Variants in ADGRB3 observed in about 807,000 individuals in gnomAD.
ADGRB3 encodes the protein brain-specific angiogenesis inhibitor 3.
In ADGRB3, 37 loss-of-function variants were observed where a neutral mutation model predicts 193.4. The ratio of observed to expected loss-of-function variants is 0.19; its 90% CI spans 0.15 to 0.25. ADGRB3 has a LOEUF of 0.25. Ranked by LOEUF, ADGRB3 falls within the 10% of genes least tolerant of loss-of-function variation. ADGRB3 has a pLI of 1.00. For missense variants in ADGRB3, 1,637 were observed against 1,852.9 expected (o/e 0.88, Z 2.14); for synonymous variants, 690 against 644.2 (o/e 1.07, Z -1.08).
chr6:69,087,220 G>A (rs1191082034), intron 17 of ADGRB3, among the ~76,000 whole-genome samples: 2 of 152,084 alleles, frequency 1.3e-5, no homozygotes, highest in Non-Finnish European at 2.9e-5. Flanking sequence ...CTCAGGACCC[G>A]GTAGTTGAGA....
At chr6:69,167,361 G>A (rs1172555257) in intron 17 of ADGRB3, among the ~76,000 whole-genome samples, 1 of 152,100 alleles carries the variant, frequency 6.6e-6, no homozygotes. Flanking sequence ...GACATAATTA[G>A]ATATGTATAT....
At chr6:68,818,004 G>A (rs1196093505) in intron 3 of ADGRB3, among the ~76,000 whole-genome samples, 3 of 152,006 alleles carry the variant, frequency 2.0e-5, no homozygotes, top group Non-Finnish European at 4.4e-5. Context: ...AAATGGGATA[G>A]AAGTGAAAGT....
At chr6:68,992,934 A>G (rs920620888) in intron 10 of ADGRB3, among the ~76,000 whole-genome samples, 1 of 152,058 alleles carries the variant, frequency 6.6e-6, no homozygotes, top group African/African-American at 2.4e-5. Context: ...ATTTTATACA[A>G]ATTTAGCAAA....
intron 3 of ADGRB3, among the ~76,000 whole-genome samples, chr6:68,760,842 G>A (rs1006927180): frequency 6.6e-6 from 1 of 152,182 alleles, no homozygotes; most frequent in Non-Finnish European, 1.5e-5. Context: ...AGCATGTCCA[G>A]TTCTCTGAAT....
intron 3 of ADGRB3, among the ~76,000 whole-genome samples, chr6:68,703,295 T>C (rs1441353695): frequency 6.6e-6 from 1 of 152,134 alleles, no homozygotes; most frequent in Non-Finnish European, 1.5e-5. Flanking sequence ...TTCCCTTAAT[T>C]TGGTAAAAAT....
chr6:69,077,450 A>T (rs1046407243), intron 17 of ADGRB3, among the ~76,000 whole-genome samples: 13 of 150,980 alleles, frequency 8.6e-5, no homozygotes, highest in East Asian at 3.9e-4. Flanking sequence ...TATTATTATT[A>T]TTTTTTTTTA....
chr6:69,095,903 A>G lies in ADGRB3; in HGVS notation c.2480+19865A>G, dbSNP rs572492909. 7.2e-5 allele frequency among the ~76,000 whole-genome samples: 11 copies of G among 152,286 alleles called. No homozygotes were observed. In the South Asian group the frequency reaches 2.1e-3, roughly 29 times the overall value. On this transcript the variant is annotated intron_variant, in intron 17 of 31. Transcript: ENST00000370598. The stretch of plus-strand genomic sequence containing the variant: ...TTTCTTCATGTCCTAGGATTATCAC[A>G]CTGGTTTTAACAATTTCTTTGATAA...
At chr6:68,696,602 A>G (rs1167089498) in intron 3 of ADGRB3, among the ~76,000 whole-genome samples, 1 of 152,002 alleles carries the variant, frequency 6.6e-6, no homozygotes, top group East Asian at 1.9e-4. Flanking sequence ...CATTTATAAT[A>G]TAATAAGAAT....
intron 17 of ADGRB3, among the ~76,000 whole-genome samples, chr6:69,124,226 A>C (rs1773795209): frequency 6.6e-6 from 1 of 151,834 alleles, no homozygotes; most frequent in Admixed American, 6.6e-5. Flanking sequence ...GAAGATTCTG[A>C]TCTTTTTGTG....
chr6:69,295,826 C>T (rs1378805959), intron 20 of ADGRB3, among the ~76,000 whole-genome samples: 1 of 152,186 alleles, frequency 6.6e-6, no homozygotes, highest in Non-Finnish European at 1.5e-5. Context: ...ATCAACCTCA[C>T]TGCCATGAAT....
intron 3 of ADGRB3, among the ~76,000 whole-genome samples, chr6:68,861,086 A>C (rs957789877): frequency 1.3e-5 from 2 of 152,154 alleles, no homozygotes; most frequent in African/African-American, 4.8e-5. Flanking sequence ...ATTTCTCAAG[A>C]GATTCCTGGG....
At chr6:68,840,129 G>A (rs1768123103) in intron 3 of ADGRB3, among the ~76,000 whole-genome samples, 1 of 152,106 alleles carries the variant, frequency 6.6e-6, no homozygotes, top group African/African-American at 2.4e-5. Flanking sequence ...GGCATTCTAG[G>A]CCACAAAGAC....
chr6:69,052,095 A>C (rs961363246), intron 15 of ADGRB3, among the ~76,000 whole-genome samples: 3 of 152,058 alleles, frequency 2.0e-5, no homozygotes, highest in South Asian at 2.1e-4. Flanking sequence ...TCACCATGTT[A>C]GCCAGGATGG....
intron 17 of ADGRB3, among the ~76,000 whole-genome samples, chr6:69,103,059 A>G (rs1333039853): frequency 6.6e-6 from 1 of 152,214 alleles, no homozygotes; most frequent in African/African-American, 2.4e-5. Context: ...ACTTGTTACC[A>G]TGGTAATCTC....
intron 3 of ADGRB3, among the ~76,000 whole-genome samples, chr6:68,663,455 G>C (rs943323842): frequency 6.6e-6 from 1 of 151,398 alleles, no homozygotes; most frequent in Non-Finnish European, 1.5e-5. Flanking sequence ...AGATTAATAG[G>C]ATAAAAATAT....
chr6:69,035,134 A>G (rs2150295436), intron 13 of ADGRB3, among the ~76,000 whole-genome samples: 1 of 152,148 alleles, frequency 6.6e-6, no homozygotes, highest in South Asian at 2.1e-4. Flanking sequence ...TTGCTTCTTT[A>G]TGATCCAAAA....
In ADGRB3 at chr6:69,028,329, C is replaced by T. The variant is rs541304510; in HGVS notation, c.2107+9830C>T. On this transcript the variant is annotated intron_variant, in intron 13 of 31. Transcript: ENST00000370598. Reference sequence around the variant, plus strand: ...GCTCCATTCTTTTGAAAGCTGTTTTCGGTTTTTTTGTTTGTTTGTTTTTGT... The same window carrying T: ...GCTCCATTCTTTTGAAAGCTGTTTTTGGTTTTTTTGTTTGTTTGTTTTTGT... Among the ~76,000 whole-genome samples the T allele has an allele frequency of 1.4e-4, 21 of 152,154 alleles. 1 individual carries two copies. The South Asian group carries it at 3.5e-3, about 26-fold the overall frequency.
At chr6:68,868,040 C>A (rs1442539574) in intron 3 of ADGRB3, among the ~76,000 whole-genome samples, 1 of 152,046 alleles carries the variant, frequency 6.6e-6, no homozygotes, top group East Asian at 1.9e-4. Flanking sequence ...GTTGGGAAGG[C>A]ATGATTGTGT....
chr6:69,328,737 G>A (rs973214142), intron 22 of ADGRB3, among the ~76,000 whole-genome samples: 1 of 152,154 alleles, frequency 6.6e-6, no homozygotes, highest in East Asian at 1.9e-4. Context: ...AGTTTAAGAC[G>A]CTCCTGTCAT....
Sources: gnomAD v4.1 joint callset for allele counts (sites outside exome capture counted in the v4.1 genomes callset) on GRCh38, gnomAD v4.1.1 for gene constraint, MANE v1.5 for transcripts, NCBI Gene and HGNC (gene_info 2026-07-23, HGNC 2026-07-21) for gene names.